MIA2: variants seen among roughly 807,000 people sequenced by gnomAD.
The protein encoded by MIA2 is MIA SH3 domain ER export factor 2.
In MIA2, 127 loss-of-function variants were observed where a neutral mutation model predicts 167.8. That is an observed-to-expected ratio of 0.76 (90% CI 0.66 to 0.88). The LOEUF (loss-of-function observed/expected upper bound fraction) is 0.88. MIA2 is among the 40% of genes least tolerant of loss of function. The pLI is 0.00. For synonymous variants in MIA2, 552 were observed against 541.9 expected, an observed-to-expected ratio of 1.02 and a Z score of -0.26; for missense variants, 1,690 against 1,624.7, an observed-to-expected ratio of 1.04 and a Z score of -0.69.
chr14:39,280,320 C>T (rs1390872694), intron 9 of MIA2, among the ~76,000 whole-genome samples: 2 of 151,584 alleles, frequency 1.3e-5, no homozygotes, highest in African/African-American at 4.8e-5. Context: ...AATAAAGTTA[C>T]TGTGAACATT....
intron 23 of MIA2, among the ~76,000 whole-genome samples, chr14:39,384,782 A>C (rs2075239506): frequency 6.6e-6 from 1 of 152,116 alleles, no homozygotes; most frequent in Admixed American, 6.5e-5. Context: ...ATACATGTGC[A>C]CGCGCACACT....
rs1182201845 is a variant in MIA2 at position 39,293,260 on chromosome 14, T to G, written c.2209-11T>G. The G allele has an allele frequency of 1.3e-6, 2 of 1,580,464 alleles. No homozygotes were observed. The highest frequency in any genetic ancestry group is 1.7e-6 in the Non-Finnish European group (2 of 1,154,642). ...TTATATCTGTTTAATAAAGTTGGCTTTCTCTCTTAGGCAACCTGTGAAAAG... is the reference window on the plus strand; with the variant it reads ...TTATATCTGTTTAATAAAGTTGGCTGTCTCTCTTAGGCAACCTGTGAAAAG... On this transcript the variant is annotated splice_polypyrimidine_tract_variant and intron_variant, in intron 10 of 28. Transcript: ENST00000640607.
rs1463726772 is a variant in MIA2 at position 39,298,716 on chromosome 14, C to T, written c.2497-1148C>T. Among the ~76,000 whole-genome samples the T allele has an allele frequency of 4.0e-5, 6 of 150,082 alleles. No homozygotes were observed. In the East Asian group the frequency reaches 9.8e-4, roughly 24 times the overall value. On this transcript the variant is annotated intron_variant, in intron 13 of 28. Coordinates refer to ENST00000640607, the MANE Select transcript of MIA2 (RefSeq NM_001329214.4). ...CTGCTCAGTCTTCTTTTTTCTTTGCCTATTTTTTCTTATTGACATCTAAGA... is the reference window on the plus strand; with the variant it reads ...CTGCTCAGTCTTCTTTTTTCTTTGCTTATTTTTTCTTATTGACATCTAAGA...
intron 3 of MIA2, 25 bp downstream of exon 3, chr14:39,240,672 T>C: frequency 6.5e-7 from 1 of 1,539,902 alleles, no homozygotes; most frequent in Non-Finnish European, 9.0e-7. Context: ...TCTCAGTTGT[T>C]AATTGAATTT....
chr14:39,267,318 C>T, intron 6 of MIA2: 1 of 1,502,136 alleles, frequency 6.7e-7, no homozygotes, highest in Non-Finnish European at 8.8e-7. Context: ...CCAGCTCCCC[C>T]CGCAGCCGGC....
intron 9 of MIA2, among the ~76,000 whole-genome samples, chr14:39,286,402 C>T (rs2059793320): frequency 6.6e-6 from 1 of 151,856 alleles, no homozygotes; most frequent in Non-Finnish European, 1.5e-5. Context: ...GCAGTACAGT[C>T]CAGCTTTGGC....
In MIA2 at chr14:39,247,614, C is replaced by CT. The variant is rs780104417; in HGVS notation, c.1041dup (p.Asp348Ter). 1.2e-6 allele frequency: 2 copies of CT among 1,613,844 alleles called. No individual in the cohort carries two copies. The highest frequency in any genetic ancestry group is 3.3e-5 in the Admixed American group (2 of 59,976). On this transcript the variant is annotated frameshift_variant, in exon 4 of 29. Coordinates refer to ENST00000640607, the MANE Select transcript of MIA2 (RefSeq NM_001329214.4). LOFTEE classifies it high-confidence loss of function. ...CAAGATTTTCCCAATTCCATATCATCTGATAAAGAAGCCACAGTTCCATGT... is the reference window on the plus strand; with the variant it reads ...CAAGATTTTCCCAATTCCATATCATCTTGATAAAGAAGCCACAGTTCCATGT...
chr14:39,370,545 G>A, intron 23 of MIA2: 1 of 370,772 alleles, frequency 2.7e-6, no homozygotes. Context: ...GCAGTTGTAG[G>A]ATATGCACCA....
chr14:39,252,943 C>T lies in MIA2; in HGVS notation c.1763C>T (p.Ser588Phe), dbSNP rs757273227. The change falls in exon 5 of 29, where the codon TCT (serine) becomes TTT (phenylalanine). Residue 588 changes from serine (S) to phenylalanine (F), a missense_variant. Transcript: ENST00000640607. ...QMVSTDNSLS[S>F]QNYISQKEDA... ...GTTTCAACTGATAACTCTTTGTCTT[C>T]TCAAAATTATATTTCTCAGAAAGGT... 34 of 1,608,840 alleles carry T rather than the reference C, an allele frequency of 2.1e-5. No individual in the cohort carries two copies. The Admixed American group carries it at 5.8e-4, about 27-fold the overall frequency.
At chr14:39,387,220 G>A in exon 24 of MIA2, 1 of 397,722 alleles carries the variant, frequency 2.5e-6, no homozygotes, top group Non-Finnish European at 4.4e-6. Flanking sequence ...AAAGTAAAGT[G>A]AAAACCTCAA....
chr14:39,379,941 A>G (rs1039642941), intron 23 of MIA2, among the ~76,000 whole-genome samples: 1 of 151,742 alleles, frequency 6.6e-6, no homozygotes, highest in East Asian at 1.9e-4. Context: ...AACAACAAAA[A>G]CCCCACCACC....
At chr14:39,367,700 C>G (rs1057173075) in intron 23 of MIA2, among the ~76,000 whole-genome samples, 3 of 152,174 alleles carry the variant, frequency 2.0e-5, no homozygotes, top group African/African-American at 7.2e-5. Flanking sequence ...CTTAGGTGAT[C>G]TATTCAAAGT....
downstream of MIA2, among the ~76,000 whole-genome samples, chr14:39,354,181 A>G (rs527719005): frequency 2.6e-4 from 40 of 152,348 alleles, no homozygotes; most frequent in African/African-American, 7.5e-4. Flanking sequence ...AGTCCCACTA[A>G]CAGTGTAAAA....
At chr14:39,319,734 A>T (rs2066082949) in intron 23 of MIA2, among the ~76,000 whole-genome samples, 1 of 152,104 alleles carries the variant, frequency 6.6e-6, no homozygotes, top group Non-Finnish European at 1.5e-5. Context: ...ATCAATTTAA[A>T]ATGTGGGAAA....
intron 13 of MIA2, among the ~76,000 whole-genome samples, chr14:39,298,413 T>TTATTTATATATATATATATATA (rs2061749382): frequency 3.8e-5 from 1 of 26,138 alleles, no homozygotes; most frequent in African/African-American, 1.4e-4. Context: ...TGATTCTGTT[T>TTATTTATATATATATATATATA]TATATATATA....
intron 23 of MIA2, among the ~76,000 whole-genome samples, chr14:39,361,945 G>T (rs966445541): frequency 2.6e-5 from 4 of 152,098 alleles, no homozygotes; most frequent in Admixed American, 2.6e-4. Flanking sequence ...CTATTGAGAT[G>T]ATCTGTTTTT....
chr14:39,333,129 G>C (rs945045522), intron 25 of MIA2, among the ~76,000 whole-genome samples: 1 of 151,832 alleles, frequency 6.6e-6, no homozygotes, highest in African/African-American at 2.4e-5. Flanking sequence ...TCATTGTATG[G>C]TAATTCTAAC....
intron 23 of MIA2, among the ~76,000 whole-genome samples, chr14:39,380,691 CAAAAA>C (rs145179098): frequency 2.1e-4 from 18 of 85,008 alleles, no homozygotes; most frequent in South Asian, 3.7e-4. Flanking sequence ...GACTCAGACT[CAAAAA>C]AAAAAAAAAA....
Position 39,279,349 on chromosome 14 carries a change from C to A in MIA2, c.2032C>A (p.Leu678Ile). 6.2e-7 allele frequency: 1 copy of A among 1,607,918 alleles called. No homozygotes were observed. Among genetic ancestry groups the A allele is most frequent in the Non-Finnish European group, 8.5e-7 (1 of 1,178,458 alleles). Residue 678 changes from leucine to isoleucine, a missense_variant, in exon 8 of 29, where the codon CTT becomes ATT. Transcript: ENST00000640607. ...WRSFRSVRSR[L>I]YVGREKKLAL... ...AAATTTGTTTCAGGTTAGGAGTCGG[C>A]TTTATGTGGGTAAGTTCTTTTTTCT...
Sources: allele counts gnomAD v4.1 joint callset (sites outside exome capture counted in the v4.1 genomes callset), GRCh38; gene constraint gnomAD v4.1.1; transcripts MANE v1.5; gene names NCBI Gene and HGNC (gene_info 2026-07-23, HGNC 2026-07-21).